The following FN3K variants were observed in gnomAD, a reference collection of about 807,000 sequenced individuals.
The protein encoded by FN3K is fructosamine 3 kinase.
A neutral mutation model predicts 24.8 loss-of-function variants in FN3K; 24 were observed. The ratio of observed to expected loss-of-function variants is 0.97; its 90% CI spans 0.70 to 1.36. The LOEUF (loss-of-function observed/expected upper bound fraction) is 1.36, where lower values mean the gene tolerates loss of function less well. Ranked by LOEUF, FN3K falls within the 40% of genes most tolerant of loss-of-function variation. FN3K has a pLI of 0.00. For missense variants in FN3K, 449 were observed against 416.7 expected (o/e 1.08, Z -0.67); for synonymous variants, 192 against 175.2 (o/e 1.10, Z -0.76).
intron 4 of FN3K, chr17:82,745,619 C>T (rs1373177235): frequency 6.6e-6 from 1 of 152,182 alleles, no homozygotes; most frequent in Non-Finnish European, 1.5e-5. Flanking sequence ...TCTAACACAG[C>T]CTGTTTATCC....
intron 4 of FN3K, among the ~76,000 whole-genome samples, chr17:82,747,201 G>GCTAA (rs1662569269): frequency 6.6e-6 from 1 of 152,148 alleles, no homozygotes; most frequent in South Asian, 2.1e-4. Context: ...TGAGATCTTT[G>GCTAA]CTAACACAGA....
chr17:82,744,714 G>A (rs913212786), intron 4 of FN3K, among the ~76,000 whole-genome samples: 4 of 151,872 alleles, frequency 2.6e-5, no homozygotes, highest in Non-Finnish European at 4.4e-5. Flanking sequence ...TTGATCATTC[G>A]TGGGTGTTTC....
chr17:82,742,204 C>T (rs1568068877), intron 4 of FN3K, among the ~76,000 whole-genome samples: 2 of 152,278 alleles, frequency 1.3e-5, no homozygotes, highest in East Asian at 3.9e-4. Context: ...CGCGCCTGGA[C>T]TTAATGTTGT....
intron 4 of FN3K, 138 bp downstream of exon 4, chr17:82,741,531 C>T: frequency 1.2e-6 from 1 of 810,250 alleles, no homozygotes; most frequent in Non-Finnish European, 2.0e-6. Flanking sequence ...GCTGTGATAC[C>T]TGGAATGGGG....
Position 82,741,366 on chromosome 17 carries a change from G to A in FN3K, c.441G>A (p.Thr147=), listed in dbSNP as rs1371883660. 2.5e-6 allele frequency: 4 copies of A among 1,613,716 alleles called. No homozygotes were observed. The highest frequency in any genetic ancestry group is 1.6e-4 in the Middle Eastern group (1 of 6,084). The change falls in exon 4 of 6, where the codon ACG becomes ACA. Residue 147 remains threonine (T), a synonymous_variant. Transcript: ENST00000300784. ...PQYVDKFGFH[T]VTCCGFIPQV... ...ATGTGGACAAGTTCGGCTTCCACAC[G>A]GTGACGTGCTGCGGCTTCATCCCGC...
At chr17:82,740,971 C>T (rs1267243308) in intron 3 of FN3K, 117 bp downstream of exon 3, 5 of 730,538 alleles carry the variant, frequency 6.8e-6, no homozygotes, top group Non-Finnish European at 1.2e-5. Flanking sequence ...TACCGTCTGT[C>T]TTTACACTAC....
At chr17:82,737,411 C>T (rs2046908687) in intron 1 of FN3K, among the ~76,000 whole-genome samples, 1 of 151,948 alleles carries the variant, frequency 6.6e-6, no homozygotes, top group South Asian at 2.1e-4. Context: ...GCAAGCTGCG[C>T]CTCCCGGTTC....
intron 3 of FN3K, 138 bp from the exon 4 acceptor site, chr17:82,741,172 AT>A (rs2046939087): frequency 1.3e-6 from 1 of 775,290 alleles, no homozygotes; most frequent in Non-Finnish European, 2.2e-6. Flanking sequence ...ATATTGACTA[AT>A]TGCTACTGTA....
At chr17:82,735,819 G>T in intron 1 of FN3K, 42 bp downstream of exon 1, 1 of 1,540,008 alleles carries the variant, frequency 6.5e-7, no homozygotes. Context: ...GGGTCTCTGC[G>T]GGGCCTGGGA....
rs748274671 is a variant in FN3K, at chr17:82,735,699, C to G, written c.63C>G (p.Gly21=). Residue 21 remains glycine (G), a synonymous_variant, in exon 1 of 6, where the codon GGC becomes GGG. Coordinates refer to ENST00000300784, the MANE Select transcript of FN3K (RefSeq NM_022158.4). ...CCCTGCGGGCCTTCGGCGGCCCCGGCGCCGGCTGCATCAGCGAGGGCCGAG... is the reference window on the plus strand; with the variant it reads ...CCCTGCGGGCCTTCGGCGGCCCCGGGGCCGGCTGCATCAGCGAGGGCCGAG... ...TATLRAFGGP[G]AGCISEGRAY... 2 of 1,545,632 alleles carry G rather than the reference C, an allele frequency of 1.3e-6. No homozygotes were observed. Among genetic ancestry groups the G allele is most frequent in the Non-Finnish European group, 1.7e-6 (2 of 1,147,882 alleles).
Position 82,748,906 on chromosome 17 carries a change from C to T in FN3K, c.520C>T (p.Gln174Ter). 1 of 1,614,054 alleles carries T rather than the reference C, an allele frequency of 6.2e-7. No individual in the cohort carries two copies. The highest frequency in any genetic ancestry group is 8.5e-7 in the Non-Finnish European group (1 of 1,180,030). The change falls in exon 5 of 6, where the codon CAG becomes TAG. Residue 174 changes from glutamine to a stop codon, truncating the protein, a stop_gained. Coordinates refer to ENST00000300784, the MANE Select transcript of FN3K (RefSeq NM_022158.4). LOFTEE classifies it high-confidence loss of function. ...GACCTTTTTCGCCCGGCACCGGCTC[C>T]AGGCGCAGCTGGACCTCATTGAGAA... ...WPTFFARHRL[Q>*]AQLDLIEKDY... is the part of the protein sequence containing the mutation.
chr17:82,740,891 C>A, intron 3 of FN3K, 37 bp downstream of exon 3: 7 of 1,419,318 alleles, frequency 4.9e-6, no homozygotes, highest in Non-Finnish European at 7.0e-6. Flanking sequence ...CTTGATCCAG[C>A]CACATTGTCT....
chr17:82,736,370 AC>A (rs1384485997), intron 1 of FN3K: 2 of 152,304 alleles, frequency 1.3e-5, no homozygotes, highest in Non-Finnish European at 2.9e-5. Context: ...CCCCGTCTCT[AC>A]CAAAAAATGC....
chr17:82,746,804 CA>C (rs200854197), intron 4 of FN3K, among the ~76,000 whole-genome samples: 7 of 148,874 alleles, frequency 4.7e-5, no homozygotes, highest in Admixed American at 2.0e-4. Context: ...AACTTGGTCT[CA>C]AAAAAAAAAT....
chr17:82,738,671 T>A (rs2253131), intron 2 of FN3K, 31 bp downstream of exon 2: 261,481 of 1,610,660 alleles, frequency 0.16, 22,504 homozygotes, highest in Non-Finnish European at 0.18. Context: ...TATGCGCACA[T>A]GTGTACAGGC....
chr17:82,738,694 A>G (rs1372133982), intron 2 of FN3K, 54 bp downstream of exon 2: 13 of 1,595,426 alleles, frequency 8.1e-6, no homozygotes, highest in Non-Finnish European at 1.1e-5. Context: ...AGAGAGACTC[A>G]GAGACAAACA....
At chr17:82,740,246 C>T (rs1450039058) in intron 2 of FN3K, among the ~76,000 whole-genome samples, 1 of 152,192 alleles carries the variant, frequency 6.6e-6, no homozygotes, top group East Asian at 1.9e-4. Context: ...CAGCATTCCT[C>T]CCTTAATTCC....
chr17:82,748,714 G>C (rs1455832768), intron 4 of FN3K, 141 bp from the exon 5 acceptor site: 1 of 1,325,752 alleles, frequency 7.5e-7, no homozygotes, highest in Non-Finnish European at 1.1e-6. Flanking sequence ...GCCTTCCTCT[G>C]GGTTGAGTAT....
At position 82,740,835 on chromosome 17, in the gene FN3K, G is replaced by A; in HGVS notation, c.366G>A (p.Lys122=). 6.2e-7 allele frequency: 1 copy of A among 1,613,288 alleles called. No individual in the cohort carries two copies. Residue 122 remains lysine (K), a synonymous_variant, in exon 3 of 6, where the codon AAG becomes AAA. Transcript: ENST00000300784. ...LYNQKLREKL[K]EEENTVGRRG... ...ACCAGAAGCTCAGGGAGAAGTTGAA[G>A]GAGGAGGAGAACACAGTGGGTATGT...
Sources: gnomAD v4.1 joint callset for allele counts (sites outside exome capture counted in the v4.1 genomes callset) on GRCh38, gnomAD v4.1.1 for gene constraint, MANE v1.5 for transcripts, NCBI Gene and HGNC (gene_info 2026-07-23, HGNC 2026-07-21) for gene names.